Variants in CTNNA2 observed in about 807,000 individuals in gnomAD.
CTNNA2 encodes the protein catenin alpha 2.
A neutral mutation model predicts 101.0 loss-of-function variants in CTNNA2; 42 were observed. The observed-to-expected ratio is 0.42, with a 90% confidence interval of 0.32 to 0.54. The LOEUF (loss-of-function observed/expected upper bound fraction) is 0.54, where lower values mean the gene tolerates loss of function less well. Among genes scored for constraint, CTNNA2 ranks in the 20% least tolerant of loss-of-function variants. The probability of loss-of-function intolerance (pLI) is 0.14; values close to 1 mark genes in which losing one functional copy is unlikely to be tolerated. For missense variants in CTNNA2, 871 were observed against 1,223.1 expected (o/e 0.71, Z 4.29); for synonymous variants, 450 against 456.4 (o/e 0.99, Z 0.18).
At chr2:79,708,309 G>A (rs1281167421) in intron 2 of CTNNA2, among the ~76,000 whole-genome samples, 1 of 152,156 alleles carries the variant, frequency 6.6e-6, no homozygotes, top group Non-Finnish European at 1.5e-5. Flanking sequence ...AACACCCCCA[G>A]TAAGTAGGCG....
At chr2:79,643,719 G>A (rs558754460) in intron 1 of CTNNA2, among the ~76,000 whole-genome samples, 26 of 152,248 alleles carry the variant, frequency 1.7e-4, no homozygotes, top group African/African-American at 6.3e-4. Context: ...TATTGATAGG[G>A]CTGTGTCTTA....
chr2:79,745,375 G>C (rs1298847319), intron 3 of CTNNA2, among the ~76,000 whole-genome samples: 1 of 151,864 alleles, frequency 6.6e-6, no homozygotes, highest in Non-Finnish European at 1.5e-5. Flanking sequence ...AGGTTGCAGT[G>C]AGCCAAGATC....
Position 79,553,924 on chromosome 2 carries a change from T to C in CTNNA2, c.-6+40717T>C, listed in dbSNP as rs1674279153. On this transcript the variant is annotated intron_variant, in intron 1 of 18. Transcript: ENST00000402739. ...ATGTGGACTTCTATCTTTGCAGCTA[T>C]CTACTTAGGAACAAAATAGGAGGCA... Among the ~76,000 whole-genome samples the C allele has an allele frequency of 2.0e-5, 3 of 152,208 alleles. No homozygotes were observed. In the South Asian group the frequency reaches 6.2e-4, roughly 32 times the overall value.
At chr2:79,978,448 C>T (rs1461331132) in intron 7 of CTNNA2, among the ~76,000 whole-genome samples, 2 of 152,100 alleles carry the variant, frequency 1.3e-5, no homozygotes, top group African/African-American at 4.8e-5. Flanking sequence ...TCTCTGGCCA[C>T]GGGTACCATA....
chr2:80,208,435 A>C (rs762466224), intron 7 of CTNNA2, among the ~76,000 whole-genome samples: 1 of 152,206 alleles, frequency 6.6e-6, no homozygotes, highest in Non-Finnish European at 1.5e-5. Context: ...TATACTGCTA[A>C]CAATTATAAG....
At chr2:80,409,986 T>C (rs1196685555) in intron 8 of CTNNA2, among the ~76,000 whole-genome samples, 1 of 152,220 alleles carries the variant, frequency 6.6e-6, no homozygotes, top group Non-Finnish European at 1.5e-5. Context: ...ATTGAGTACA[T>C]TAAAATGAGG....
chr2:79,510,499 A>G (rs1671512497), upstream of CTNNA2, among the ~76,000 whole-genome samples: 2 of 152,164 alleles, frequency 1.3e-5, no homozygotes, highest in Non-Finnish European at 2.9e-5. Flanking sequence ...TTCAATTTGG[A>G]TTTTCCATAG....
At chr2:79,229,897 A>G (rs1258814557) in intron 2 of CTNNA2, among the ~76,000 whole-genome samples, 1 of 151,370 alleles carries the variant, frequency 6.6e-6, no homozygotes, top group African/African-American at 2.4e-5. Context: ...TGGCGGCATT[A>G]TGCCCCTGCC....
chr2:79,441,776 G>C (rs1216881937), intron 4 of CTNNA2, among the ~76,000 whole-genome samples: 2 of 152,044 alleles, frequency 1.3e-5, no homozygotes, highest in African/African-American at 4.8e-5. Flanking sequence ...AAAACTCAAA[G>C]TCTTACCATG....
intron 3 of CTNNA2, among the ~76,000 whole-genome samples, chr2:79,348,377 C>T (rs997947666): frequency 6.6e-6 from 1 of 152,334 alleles, no homozygotes; most frequent in African/African-American, 2.4e-5. Flanking sequence ...ATTTCCTGAT[C>T]TCAGTACCTG....
At chr2:79,881,661 A>G (rs1241226985) in intron 6 of CTNNA2, among the ~76,000 whole-genome samples, 1 of 151,652 alleles carries the variant, frequency 6.6e-6, no homozygotes, top group Non-Finnish European at 1.5e-5. Context: ...TTTGCTTGGT[A>G]AGTTTTCCAC....
intron 4 of CTNNA2, among the ~76,000 whole-genome samples, chr2:79,439,095 T>C (rs7574158): frequency 0.014 from 2,069 of 152,244 alleles, 42 homozygotes; most frequent in African/African-American, 0.042. Context: ...TAAAAATATA[T>C]GTCCACACAA....
intron 3 of CTNNA2, among the ~76,000 whole-genome samples, chr2:79,856,368 G>T: frequency 6.6e-6 from 1 of 152,094 alleles, no homozygotes; most frequent in East Asian, 1.9e-4. Context: ...TTTTTCTTAT[G>T]ACTAGGACTA....
intron 7 of CTNNA2, among the ~76,000 whole-genome samples, chr2:80,205,223 G>T (rs893725630): frequency 6.6e-6 from 1 of 152,064 alleles, no homozygotes; most frequent in African/African-American, 2.4e-5. Flanking sequence ...TTATTTGAAG[G>T]ATTGTATTTT....
intron 2 of CTNNA2, among the ~76,000 whole-genome samples, chr2:79,280,669 G>A (rs977991505): frequency 2.4e-5 from 2 of 83,194 alleles, no homozygotes; most frequent in African/African-American, 6.3e-5. Flanking sequence ...GAGAAAGAGA[G>A]AGAGAGAGAG....
intron 18 of CTNNA2, among the ~76,000 whole-genome samples, chr2:80,640,621 CAT>C (rs1369811262): frequency 1.3e-5 from 2 of 152,184 alleles, no homozygotes; most frequent in Non-Finnish European, 2.9e-5. Context: ...ATATTTCAAA[CAT>C]GTCACAGTTT....
intron 2 of CTNNA2, among the ~76,000 whole-genome samples, chr2:79,708,288 G>A (rs1685516948): frequency 6.6e-6 from 1 of 152,150 alleles, no homozygotes; most frequent in South Asian, 2.1e-4. Flanking sequence ...TTTGATTACA[G>A]CATGTTAGTT....
At chr2:80,590,176 T>A (rs1696339979) in intron 15 of CTNNA2, among the ~76,000 whole-genome samples, 1 of 152,196 alleles carries the variant, frequency 6.6e-6, no homozygotes, top group East Asian at 1.9e-4. Context: ...CATTTTGGTC[T>A]CTTCTTTAAA....
chr2:80,133,537 A>C (rs569916179), intron 7 of CTNNA2, among the ~76,000 whole-genome samples: 1 of 152,338 alleles, frequency 6.6e-6, no homozygotes, highest in Admixed American at 6.5e-5. Context: ...GGAATGTTGA[A>C]ATGAATGTGC....
Sources: allele counts gnomAD v4.1 joint callset (sites outside exome capture counted in the v4.1 genomes callset), GRCh38; gene constraint gnomAD v4.1.1; transcripts MANE v1.5; gene names NCBI Gene and HGNC (gene_info 2026-07-23, HGNC 2026-07-21).